ANO2: variants seen among roughly 807,000 people sequenced by gnomAD.
ANO2 encodes the protein anoctamin 2, also known as anoctamin-2.
In ANO2, 101 loss-of-function variants were observed where a neutral mutation model predicts 124.2. That is an observed-to-expected ratio of 0.81 (90% CI 0.69 to 0.96). The LOEUF (loss-of-function observed/expected upper bound fraction) is 0.96, where lower values mean the gene tolerates loss of function less well. ANO2 is among the 40% of genes least tolerant of loss of function. The probability of loss-of-function intolerance (pLI) is 0.00; values close to 1 mark genes in which losing one functional copy is unlikely to be tolerated. For synonymous variants in ANO2, 486 were observed against 482.5 expected (o/e 1.01, Z -0.09); for missense variants, 1,293 against 1,274.5 (o/e 1.01, Z -0.22).
chr12:5,615,617 C>G (rs1173728180), intron 16 of ANO2, among the ~76,000 whole-genome samples: 1 of 152,160 alleles, frequency 6.6e-6, no homozygotes, highest in East Asian at 1.9e-4. Flanking sequence ...CAACCACCCC[C>G]TTTTCTGCAC....
At position 5,732,993 on chromosome 12, in the gene ANO2, G is replaced by A; in HGVS notation, c.1435-363C>T. On this transcript the variant is annotated intron_variant, in intron 13 of 24. Transcript: ENST00000682330. ...CACCAGAGGCAGAGGGATATCCCTG[G>A]TCATCCCACCAACTATCGTCAGACC... The A allele has an allele frequency of 7.5e-6, 9 of 1,193,626 alleles. No individual in the cohort carries two copies. In the South Asian group the frequency reaches 1.0e-4, roughly 13 times the overall value. The allele number at this position is 1,193,626 out of a possible 1,614,324, so 73.9% of individuals were successfully genotyped here.
At chr12:5,593,243 A>T (rs1287090594) in intron 20 of ANO2, among the ~76,000 whole-genome samples, 1 of 152,208 alleles carries the variant, frequency 6.6e-6, no homozygotes, top group Non-Finnish European at 1.5e-5. Flanking sequence ...CAAGGGCCTC[A>T]AAACTGTGGT....
At chr12:5,884,240 AT>A (rs1358328925) in intron 3 of ANO2, among the ~76,000 whole-genome samples, 1 of 152,200 alleles carries the variant, frequency 6.6e-6, no homozygotes, top group Non-Finnish European at 1.5e-5. Flanking sequence ...ACATTGCAAA[AT>A]TCATGAGAAG....
chr12:5,790,607 A>G (rs1328636557), intron 10 of ANO2, among the ~76,000 whole-genome samples: 1 of 152,142 alleles, frequency 6.6e-6, no homozygotes, highest in Non-Finnish European at 1.5e-5. Flanking sequence ...GCTACCCTGA[A>G]GCCAGTTACT....
intron 19 of ANO2, among the ~76,000 whole-genome samples, chr12:5,607,655 A>G (rs2136896405): frequency 1.3e-5 from 2 of 152,186 alleles, no homozygotes; most frequent in South Asian, 4.1e-4. Flanking sequence ...GCCACTCTCC[A>G]TCCTCATTAA....
At chr12:5,580,736 C>T (rs1942698786) in intron 20 of ANO2, among the ~76,000 whole-genome samples, 1 of 152,202 alleles carries the variant, frequency 6.6e-6, no homozygotes, top group Admixed American at 6.5e-5. Flanking sequence ...GGAACTTTCC[C>T]CAGCCCAACT....
intron 10 of ANO2, among the ~76,000 whole-genome samples, chr12:5,770,125 C>A (rs180696701): frequency 6.6e-6 from 1 of 152,336 alleles, no homozygotes; most frequent in African/African-American, 2.4e-5. Flanking sequence ...CTGCTCTTAA[C>A]TACTAGGCCA....
intron 10 of ANO2, among the ~76,000 whole-genome samples, chr12:5,778,155 AGT>A (rs1952283844): frequency 6.6e-6 from 1 of 152,230 alleles, no homozygotes; most frequent in South Asian, 2.1e-4. Context: ...TAATAAGACT[AGT>A]GTTATGTGTC....
intron 14 of ANO2, among the ~76,000 whole-genome samples, chr12:5,655,078 G>A (rs945685138): frequency 2.6e-5 from 4 of 151,836 alleles, no homozygotes; most frequent in African/African-American, 4.8e-5. Flanking sequence ...CTCTCTCTAC[G>A]CAAGTCCCCT....
At chr12:5,773,418 A>G (rs1952141491) in intron 10 of ANO2, among the ~76,000 whole-genome samples, 1 of 152,228 alleles carries the variant, frequency 6.6e-6, no homozygotes, top group Non-Finnish European at 1.5e-5. Flanking sequence ...GGAGATTACA[A>G]GACTTGTCCA....
At chr12:5,633,895 T>G (rs1945864754) in intron 16 of ANO2, among the ~76,000 whole-genome samples, 1 of 152,118 alleles carries the variant, frequency 6.6e-6, no homozygotes, top group Non-Finnish European at 1.5e-5. Flanking sequence ...GGAATCTTCC[T>G]CTCCTCCTGC....
chr12:5,803,678 C>T (rs904113061), intron 9 of ANO2, among the ~76,000 whole-genome samples: 21 of 152,176 alleles, frequency 1.4e-4, no homozygotes, highest in Admixed American at 8.5e-4. Context: ...TCTACCCCCA[C>T]GCTGCTCCCT....
At chr12:5,828,170 T>TG (rs1164994519) in intron 6 of ANO2, among the ~76,000 whole-genome samples, 1 of 152,098 alleles carries the variant, frequency 6.6e-6, no homozygotes, top group Non-Finnish European at 1.5e-5. Context: ...GAGGAAGCCC[T>TG]GGGTCTGTGG....
intron 5 of ANO2, 72 bp from the exon 6 acceptor site, chr12:5,830,561 C>A: frequency 7.2e-7 from 1 of 1,392,624 alleles, no homozygotes; most frequent in Non-Finnish European, 9.9e-7. Context: ...CCACCCCAGA[C>A]CCACAACAAA....
chr12:5,740,253 G>A (rs1591551687), intron 12 of ANO2: 1 of 269,878 alleles, frequency 3.7e-6, no homozygotes, highest in East Asian at 9.8e-5. Flanking sequence ...GCAGGGATGG[G>A]AGAGACCACG....
chr12:5,800,668 A>G (rs573904819), intron 9 of ANO2, among the ~76,000 whole-genome samples: 2 of 152,328 alleles, frequency 1.3e-5, no homozygotes, highest in East Asian at 3.9e-4. Flanking sequence ...AGTCATGGTG[A>G]TGCCTTTTAC....
intron 3 of ANO2, among the ~76,000 whole-genome samples, chr12:5,889,423 G>A (rs1439166518): frequency 6.6e-6 from 1 of 152,248 alleles, no homozygotes; most frequent in Non-Finnish European, 1.5e-5. Context: ...CCCTCAGAGA[G>A]TTTACATGCT....
intron 14 of ANO2, among the ~76,000 whole-genome samples, chr12:5,696,002 G>T (rs1032930043): frequency 6.6e-6 from 1 of 151,858 alleles, no homozygotes; most frequent in African/African-American, 2.4e-5. Flanking sequence ...AGTTACAGGG[G>T]GAAAAAATAG....
chr12:5,610,468 C>T (rs1464666935), intron 19 of ANO2, among the ~76,000 whole-genome samples: 1 of 131,854 alleles, frequency 7.6e-6, no homozygotes, highest in Non-Finnish European at 1.6e-5. Flanking sequence ...AATATATATA[C>T]ATTTTATAAA....
Sources: gnomAD v4.1 joint callset for allele counts (sites outside exome capture counted in the v4.1 genomes callset) on GRCh38, gnomAD v4.1.1 for gene constraint, MANE v1.5 for transcripts, NCBI Gene and HGNC (gene_info 2026-07-23, HGNC 2026-07-21) for gene names.